Variants in RBFOX1 observed in about 807,000 individuals in gnomAD.
The protein encoded by RBFOX1 is RNA binding fox-1 homolog 1, also known as RNA binding protein fox-1 homolog 1.
RBFOX1 carries 8 observed loss-of-function variants against 57.7 expected under a neutral mutation model. That is an observed-to-expected ratio of 0.14 (90% confidence interval 0.08 to 0.25). The LOEUF (loss-of-function observed/expected upper bound fraction) is 0.25, where lower values mean the gene tolerates loss of function less well. Among genes scored for constraint, RBFOX1 ranks in the 10% least tolerant of loss-of-function variants. The pLI is 1.00. For synonymous variants in RBFOX1, 326 were observed against 222.4 expected (o/e 1.47, Z -4.15); for missense variants, 611 against 548.5 (o/e 1.11, Z -1.14).
At position 6,654,639 on chromosome 16, in the gene RBFOX1, G is replaced by T; in HGVS notation, c.-27G>T. The stretch of plus-strand genomic sequence containing the variant: ...AGACTGCAATACCTGCGTGGAAATA[G>T]AAGACAGAAAGGTGAGTCAATATTT... On this transcript the variant is annotated 5_prime_UTR_variant, in exon 3 of 16. It removes the in-frame stop codon of an upstream open reading frame in the 5' UTR. Coordinates refer to ENST00000550418, the MANE Select transcript of RBFOX1 (RefSeq NM_018723.4). 4 of 1,509,350 alleles carry T rather than the reference G, an allele frequency of 2.7e-6. No individual in the cohort carries two copies. The highest frequency in any genetic ancestry group is 3.5e-6 in the Non-Finnish European group (4 of 1,138,096). 93.5% of individuals were successfully genotyped at this position (1,509,350 alleles called of 1,614,324 possible). A position where few individuals can be genotyped will look rare whatever the true frequency, so the allele number is the denominator to read the frequency against.
chr16:7,504,896 A>T (rs1600254274), intron 4 of RBFOX1, among the ~76,000 whole-genome samples: 1 of 146,890 alleles, frequency 6.8e-6, no homozygotes, highest in African/African-American at 2.6e-5. Context: ...TATTAATAAC[A>T]GGCAATAATA....
chr16:6,478,982 A>T (rs1054288739), intron 2 of RBFOX1, among the ~76,000 whole-genome samples: 4 of 152,224 alleles, frequency 2.6e-5, no homozygotes, highest in African/African-American at 9.6e-5. Flanking sequence ...AAAAAGTGGC[A>T]CCAATAGACT....
At chr16:6,715,004 G>A (rs1025772736) in intron 3 of RBFOX1, among the ~76,000 whole-genome samples, 1 of 152,170 alleles carries the variant, frequency 6.6e-6, no homozygotes, top group Admixed American at 6.5e-5. Context: ...GGTCACAGGA[G>A]TTGGAGGTCT....
At chr16:7,709,758 G>T in intron 15 of RBFOX1, 1 of 154,234 alleles carries the variant, frequency 6.5e-6, no homozygotes, top group Non-Finnish European at 1.1e-5. Context: ...GGAGGGGGTG[G>T]GGGGAGGGTA....
chr16:7,518,617 G>C (rs1412301545), intron 5 of RBFOX1, among the ~76,000 whole-genome samples: 1 of 152,142 alleles, frequency 6.6e-6, no homozygotes, highest in Non-Finnish European at 1.5e-5. Flanking sequence ...TATTTGTAAA[G>C]GGGCACATTT....
chr16:6,512,558 GA>G (rs2096276926), intron 2 of RBFOX1, among the ~76,000 whole-genome samples: 1 of 152,108 alleles, frequency 6.6e-6, no homozygotes, highest in Admixed American at 6.6e-5. Flanking sequence ...CATTACACAA[GA>G]GCCTCTTTTT....
At chr16:6,683,916 T>C (rs2059047036) in intron 3 of RBFOX1, among the ~76,000 whole-genome samples, 1 of 152,216 alleles carries the variant, frequency 6.6e-6, no homozygotes, top group Non-Finnish European at 1.5e-5. Flanking sequence ...GGAGATCGCA[T>C]ATGTGAAAAC....
chr16:6,865,657 C>A (rs774695830), intron 3 of RBFOX1, among the ~76,000 whole-genome samples: 6 of 152,170 alleles, frequency 3.9e-5, no homozygotes, highest in Non-Finnish European at 8.8e-5. Flanking sequence ...CGTGTGATGA[C>A]AACGTAGTAA....
chr16:5,572,729 C>T (rs2046323530), intron 2 of RBFOX1, among the ~76,000 whole-genome samples: 2 of 152,116 alleles, frequency 1.3e-5, no homozygotes, highest in Non-Finnish European at 2.9e-5. Context: ...AACAAAGCCT[C>T]ACAGAGATAA....
intron 3 of RBFOX1, among the ~76,000 whole-genome samples, chr16:6,906,017 C>T (rs2069798236): frequency 6.6e-6 from 1 of 152,192 alleles, no homozygotes. Flanking sequence ...CTGCCTTCCT[C>T]TGGTTGGGCA....
chr16:6,571,204 C>T (rs1600201494), intron 2 of RBFOX1, among the ~76,000 whole-genome samples: 1 of 152,182 alleles, frequency 6.6e-6, no homozygotes, highest in East Asian at 1.9e-4. Flanking sequence ...TCCCAAAAGG[C>T]TTCTTCGAAA....
chr16:6,880,268 G>C (rs2062667042), intron 3 of RBFOX1, among the ~76,000 whole-genome samples: 1 of 151,980 alleles, frequency 6.6e-6, no homozygotes, highest in South Asian at 2.1e-4. Flanking sequence ...GTTAACCTTG[G>C]GGAAAAAAAT....
chr16:7,015,728 CA>C (rs1319139425), intron 3 of RBFOX1, among the ~76,000 whole-genome samples: 1 of 152,000 alleles, frequency 6.6e-6, no homozygotes, highest in Non-Finnish European at 1.5e-5. Context: ...TGTTCCATTC[CA>C]TTCCCAATAA....
chr16:6,657,668 G>A (rs1368630436), intron 3 of RBFOX1, among the ~76,000 whole-genome samples: 1 of 152,150 alleles, frequency 6.6e-6, no homozygotes, highest in Non-Finnish European at 1.5e-5. Context: ...GGCAAAATCA[G>A]TAATTTGATA....
rs139028039 is a variant in RBFOX1, at chr16:6,914,031, C to T, written c.-15-138026C>T. Among the ~76,000 whole-genome samples the T allele has an allele frequency of 6.2e-3, 943 of 152,188 alleles. 9 individuals are homozygous for T. The highest frequency in any genetic ancestry group is 0.021 in the African/African-American group (889 of 41,538). On this transcript the variant is annotated intron_variant, in intron 3 of 15. Transcript: ENST00000550418. ...ACTTGACGTAGCCAGAAACATTAAG[C>T]AAAAAATAGTGTTGCATTCTGGGTT...
At chr16:6,900,928 C>T (rs575950205) in intron 3 of RBFOX1, among the ~76,000 whole-genome samples, 1 of 152,184 alleles carries the variant, frequency 6.6e-6, no homozygotes, top group Non-Finnish European at 1.5e-5. Context: ...ATGGTAAATG[C>T]TAATGAAAAC....
chr16:5,921,021 G>C (rs555211032), intron 4 of RBFOX1, among the ~76,000 whole-genome samples: 7 of 150,324 alleles, frequency 4.7e-5, no homozygotes, highest in African/African-American at 1.7e-4. Context: ...GGGAATCATT[G>C]ATTCTAATTC....
At chr16:5,968,752 A>C (rs1006807543) in intron 4 of RBFOX1, among the ~76,000 whole-genome samples, 13 of 152,038 alleles carry the variant, frequency 8.6e-5, no homozygotes, top group Admixed American at 4.6e-4. Flanking sequence ...AAAAATTTTT[A>C]ATTTTGGGAA....
intron 2 of RBFOX1, among the ~76,000 whole-genome samples, chr16:6,644,850 C>G (rs1482566724): frequency 6.6e-6 from 1 of 152,148 alleles, no homozygotes; most frequent in Non-Finnish European, 1.5e-5. Flanking sequence ...CCACAGTTAT[C>G]TTTTTTCAGT....
Sources: gnomAD v4.1 joint callset for allele counts (sites outside exome capture counted in the v4.1 genomes callset) on GRCh38, gnomAD v4.1.1 for gene constraint, MANE v1.5 for transcripts, NCBI Gene and HGNC (gene_info 2026-07-23, HGNC 2026-07-21) for gene names.